The following ADCY3 variants were observed in gnomAD, a reference collection of about 807,000 sequenced individuals.
ADCY3 encodes the protein adenylate cyclase type 3.
In ADCY3, 70 loss-of-function variants were observed where a neutral mutation model predicts 119.4. That is an observed-to-expected ratio of 0.59 (90% CI 0.48 to 0.72). The LOEUF (loss-of-function observed/expected upper bound fraction) is 0.72. ADCY3 is among the 30% of genes least tolerant of loss of function. The pLI, the probability that ADCY3 is intolerant of heterozygous loss-of-function variation, is 0.00. For synonymous variants in ADCY3, 672 were observed against 621.4 expected (o/e 1.08, Z -1.21); for missense variants, 1,238 against 1,541.6 (o/e 0.80, Z 3.30).
At chr2:24,906,203 A>G (rs1261863795) in intron 2 of ADCY3, among the ~76,000 whole-genome samples, 2 of 152,112 alleles carry the variant, frequency 1.3e-5, no homozygotes, top group South Asian at 4.1e-4. Context: ...GCTACTTGGG[A>G]GGCTGAAGCA....
intron 2 of ADCY3, among the ~76,000 whole-genome samples, chr2:24,900,932 G>C (rs1678829555): frequency 1.3e-5 from 2 of 152,188 alleles, no homozygotes; most frequent in South Asian, 4.1e-4. Context: ...GGGCGTGGTA[G>C]TGGGCACCTG....
chr2:24,826,012 G>A, intron 16 of ADCY3, 33 bp downstream of exon 16: 1 of 1,600,546 alleles, frequency 6.2e-7, no homozygotes, highest in Middle Eastern at 1.7e-4. Flanking sequence ...TGGGCTGTGG[G>A]CACAGAGCGG....
chr2:24,911,173 C>T (rs959153438), intron 2 of ADCY3, among the ~76,000 whole-genome samples: 4 of 151,356 alleles, frequency 2.6e-5, no homozygotes, highest in Admixed American at 6.6e-5. Context: ...ACCCTAACCC[C>T]GTTGGAACTA....
chr2:24,906,056 C>T (rs1250215686), intron 2 of ADCY3, among the ~76,000 whole-genome samples: 1 of 152,158 alleles, frequency 6.6e-6, no homozygotes, highest in African/African-American at 2.4e-5. Flanking sequence ...CCTGTAATCC[C>T]AGCACTTTGG....
chr2:24,897,262 T>C (rs1177766910), intron 2 of ADCY3, among the ~76,000 whole-genome samples: 3 of 148,476 alleles, frequency 2.0e-5, no homozygotes, highest in Admixed American at 6.7e-5. Flanking sequence ...TCCTCCCCCT[T>C]CTCCTCCTCC....
intron 7 of ADCY3, 73 bp downstream of exon 7, chr2:24,839,800 T>C: frequency 6.3e-7 from 1 of 1,599,654 alleles, no homozygotes; most frequent in Non-Finnish European, 8.6e-7. Context: ...CTCATCAGGG[T>C]CACAGCCCTG....
chr2:24,833,611 A>G (rs1045299013), intron 11 of ADCY3, among the ~76,000 whole-genome samples: 1 of 152,148 alleles, frequency 6.6e-6, no homozygotes, highest in African/African-American at 2.4e-5. Flanking sequence ...AGCTTCCCCT[A>G]CCAGAACCCA....
intron 3 of ADCY3, among the ~76,000 whole-genome samples, chr2:24,863,049 A>G (rs958298213): frequency 8.5e-5 from 13 of 152,304 alleles, no homozygotes; most frequent in African/African-American, 2.9e-4. Flanking sequence ...TCAGGATAAA[A>G]CATGGCTAGG....
intron 2 of ADCY3, among the ~76,000 whole-genome samples, chr2:24,877,498 A>C (rs533085392): frequency 8.0e-4 from 122 of 152,308 alleles, no homozygotes; most frequent in African/African-American, 2.9e-3. Flanking sequence ...GACAGGGTAC[A>C]TTTTGGGAGT....
chr2:24,821,430 C>T, intron 20 of ADCY3, 87 bp downstream of exon 20: 1 of 1,559,258 alleles, frequency 6.4e-7, no homozygotes, highest in Non-Finnish European at 8.7e-7. Flanking sequence ...CTCAGTTGTC[C>T]TGAGCCTCAT....
At chr2:24,881,426 A>G (rs1370286973) in intron 2 of ADCY3, among the ~76,000 whole-genome samples, 2 of 152,202 alleles carry the variant, frequency 1.3e-5, no homozygotes, top group East Asian at 3.9e-4. Context: ...GTGAATGCCA[A>G]GCAAGATCCA....
At chr2:24,829,183 A>G (rs928050097) in intron 13 of ADCY3, among the ~76,000 whole-genome samples, 11 of 151,358 alleles carry the variant, frequency 7.3e-5, no homozygotes, top group African/African-American at 2.4e-4. Flanking sequence ...TGGCTGGCTA[A>G]TTTTTGTATT....
At chr2:24,822,435 C>A in intron 19 of ADCY3, 76 bp downstream of exon 19, 1 of 1,578,406 alleles carries the variant, frequency 6.3e-7, no homozygotes, top group South Asian at 1.1e-5. Context: ...TCTTATTTCC[C>A]CCATGCTAGG....
intron 2 of ADCY3, among the ~76,000 whole-genome samples, chr2:24,877,678 G>A (rs1675884443): frequency 6.6e-6 from 1 of 152,194 alleles, no homozygotes; most frequent in Non-Finnish European, 1.5e-5. Flanking sequence ...CACCACACTG[G>A]GTGAGTGGCA....
At chr2:24,829,621 A>C (rs960840715) in intron 13 of ADCY3, among the ~76,000 whole-genome samples, 3 of 146,746 alleles carry the variant, frequency 2.0e-5, no homozygotes, top group East Asian at 4.0e-4. Flanking sequence ...CGGGGTTTCA[A>C]CTGTGTTAGC....
rs141175683 is a variant in ADCY3, at chr2:24,820,769, A to G, written c.3207T>C (p.Asn1069=). 1 of 1,614,040 alleles carries G rather than the reference A, an allele frequency of 6.2e-7. No homozygotes were observed. The highest frequency in any genetic ancestry group is 8.5e-7 in the Non-Finnish European group (1 of 1,179,984). Residue 1069 remains asparagine, a synonymous_variant, in exon 21 of 22, where the codon AAT becomes AAC. Transcript: ENST00000679454. ...CCGTGGACTCCATCCTGCTGGCTAC[A>G]TTGACTGTATTGCCCCAGATGTCGT... ...PHYDIWGNTV[N]VASRMESTGV...
chr2:24,907,674 G>T (rs920922776), intron 2 of ADCY3, among the ~76,000 whole-genome samples: 7 of 152,116 alleles, frequency 4.6e-5, no homozygotes, highest in Non-Finnish European at 1.0e-4. Context: ...TAAAATGCAA[G>T]TGACACATAA....
chr2:24,854,667 C>T (rs1672791531), intron 3 of ADCY3, among the ~76,000 whole-genome samples: 1 of 152,034 alleles, frequency 6.6e-6, no homozygotes, highest in African/African-American at 2.4e-5. Context: ...AAACCAAATG[C>T]AGGAGAACAG....
At chr2:24,908,991 C>G (rs770755611) in intron 2 of ADCY3, among the ~76,000 whole-genome samples, 3 of 152,218 alleles carry the variant, frequency 2.0e-5, no homozygotes, top group Non-Finnish European at 2.9e-5. Context: ...AGCCTCCCTA[C>G]AGTTTTAGGT....
Sources: allele counts gnomAD v4.1 joint callset (sites outside exome capture counted in the v4.1 genomes callset), GRCh38; gene constraint gnomAD v4.1.1; transcripts MANE v1.5; gene names NCBI Gene and HGNC (gene_info 2026-07-23, HGNC 2026-07-21).